Variants in TAT observed in about 807,000 individuals in gnomAD.
The protein encoded by TAT is tyrosine aminotransferase.
Under a neutral mutation model 53.6 loss-of-function variants are expected in TAT, and 35 were observed. That is an observed-to-expected ratio of 0.65 (90% CI 0.50 to 0.87). TAT has a LOEUF of 0.87. Ranked by LOEUF, TAT falls within the 40% of genes least tolerant of loss-of-function variation. TAT has a pLI of 0.00. For missense variants in TAT, 525 were observed against 571.8 expected, an observed-to-expected ratio of 0.92 and a Z score of 0.83; for synonymous variants, 197 against 206.5, an observed-to-expected ratio of 0.95 and a Z score of 0.39.
chr16:71,573,440 TCC>T (rs1374705633), intron 4 of TAT, 97 bp downstream of exon 4: 1 of 1,121,756 alleles, frequency 8.9e-7, no homozygotes, highest in Non-Finnish European at 1.3e-6. Context: ...TCTCAGCTTT[TCC>T]CCCTCTGACA....
chr16:71,572,468 T>A (rs1374728087), intron 5 of TAT, 62 bp downstream of exon 5: 2 of 1,610,808 alleles, frequency 1.2e-6, no homozygotes, highest in Non-Finnish European at 1.7e-6. Flanking sequence ...TGAAGTAATG[T>A]TCATATATTT....
At chr16:71,572,959 C>G (rs2044213446) in intron 4 of TAT, among the ~76,000 whole-genome samples, 1 of 152,186 alleles carries the variant, frequency 6.6e-6, no homozygotes, top group African/African-American at 2.4e-5. Flanking sequence ...ACCTTTTTCG[C>G]TTGGTTATTT....
intron 7 of TAT, 84 bp from the exon 8 acceptor site, chr16:71,570,915 C>T: frequency 3.3e-6 from 5 of 1,517,932 alleles, no homozygotes; most frequent in Non-Finnish European, 4.5e-6. Context: ...CCATTTCCTT[C>T]TATCACTAGG....
In TAT at chr16:71,573,613, G is replaced by C. The variant is rs1291363507; in HGVS notation, c.341-7C>G. The C allele has an allele frequency of 2.6e-6, 4 of 1,551,958 alleles. No homozygotes were observed. In the African/African-American group the frequency reaches 4.1e-5, roughly 16 times the overall value. On this transcript the variant is annotated splice_region_variant and splice_polypyrimidine_tract_variant and intron_variant, in intron 3 of 11. Coordinates refer to ENST00000355962, the MANE Select transcript of TAT (RefSeq NM_000353.3). ...TCCCGACTGGATAGGAAGCCTGAAAGAAAAGAGTGGAAAGTGGAGCTTTTT... is the reference window on the plus strand; with the variant it reads ...TCCCGACTGGATAGGAAGCCTGAAACAAAAGAGTGGAAAGTGGAGCTTTTT...
chr16:71,568,703 G>C lies in TAT; in HGVS notation c.1224+8C>G. On this transcript the variant is annotated splice_region_variant and intron_variant, in intron 11 of 11. Coordinates refer to ENST00000355962, the MANE Select transcript of TAT (RefSeq NM_000353.3). ...GTTGAGAATGTCCTGAGGGACACAG[G>C]CACCCACCGTTGCTGGGAGGCAGTG... The C allele has an allele frequency of 6.2e-7, 1 of 1,607,456 alleles. No homozygotes were observed. Among genetic ancestry groups the C allele is most frequent in the South Asian group, 1.1e-5 (1 of 90,654 alleles).
Position 71,568,233 on chromosome 16 carries a change from T to C in TAT, c.1276A>G (p.Met426Val). ...ATCCGGCTGCACGCCTCCAGCATCA[T>C]CACCTCGGGGACTGTGATGACCACT... ...IRVVITVPEV[M>V]MLEACSRIQE... Residue 426 changes from methionine (M) to valine (V), a missense_variant, in exon 12 of 12, where the codon ATG (methionine) becomes GTG (valine). By Grantham distance (21) the Met-to-Val change is conservative (BLOSUM62 1). Transcript: ENST00000355962. The C allele has an allele frequency of 6.2e-7, 1 of 1,614,192 alleles. No homozygotes were observed.
Position 71,573,594 on chromosome 16 carries a change from C to T in TAT, c.353G>A (p.Ser118Asn). 1 of 1,554,034 alleles carries T rather than the reference C, an allele frequency of 6.4e-7. No individual in the cohort carries two copies. The highest frequency in any genetic ancestry group is 8.7e-7 in the Non-Finnish European group (1 of 1,148,112). The change falls in exon 4 of 12, where the codon AGT becomes AAT. Residue 118 changes from serine (S) to asparagine (N), a missense_variant. By Grantham distance (46) the Ser-to-Asn change is conservative (BLOSUM62 1). Transcript: ENST00000355962. ...GYAPSIGFLS[S>N]REEIASYYHC... ...GTAATAAGAAGCAATCTCCTCCCGACTGGATAGGAAGCCTGAAAGAAAAGA... is the reference window on the plus strand; with the variant it reads ...GTAATAAGAAGCAATCTCCTCCCGATTGGATAGGAAGCCTGAAAGAAAAGA...
intron 4 of TAT, among the ~76,000 whole-genome samples, chr16:71,572,926 A>G (rs761962398): frequency 3.3e-5 from 5 of 152,252 alleles, no homozygotes; most frequent in Non-Finnish European, 5.9e-5. Flanking sequence ...GCAGACTTCC[A>G]TGAGAGAGCA....
rs1489707578 is a variant in TAT, at chr16:71,576,181, C to T, written c.235G>A (p.Gly79Arg). Reference sequence around the variant, plus strand: ...CCCCTCAGTAGTGTCCCCAACTCACCAATGGACAGGGAAATCATGGTTTTG... The same window carrying T: ...CCCCTCAGTAGTGTCCCCAACTCACTAATGGACAGGGAAATCATGGTTTTG... ...PNKTMISLSI[G>R]DPTVFGNLPT... Residue 79 changes from glycine to arginine, a missense_variant and splice_region_variant, in exon 2 of 12, where the codon GGG becomes AGG. Coordinates refer to ENST00000355962, the MANE Select transcript of TAT (RefSeq NM_000353.3). The T allele has an allele frequency of 3.1e-6, 5 of 1,613,774 alleles. No individual in the cohort carries two copies. Among genetic ancestry groups the T allele is most frequent in the Admixed American group, 1.7e-5 (1 of 59,946 alleles).
intron 3 of TAT, 42 bp from the exon 4 acceptor site, chr16:71,573,648 G>A (rs928171937): frequency 2.6e-6 from 4 of 1,523,504 alleles, no homozygotes; most frequent in Non-Finnish European, 3.6e-6. Context: ...TTGGTTTTTA[G>A]AGACTGTGTC....
intron 11 of TAT, 184 bp from the exon 12 acceptor site, chr16:71,568,468 G>T (rs530621721): frequency 1.5e-4 from 104 of 693,834 alleles, no homozygotes; most frequent in Admixed American, 4.8e-4. Context: ...TGACTTGTGG[G>T]ACAGGATCAA....
At chr16:71,574,287 A>T (rs1465642365) in intron 3 of TAT, among the ~76,000 whole-genome samples, 3 of 152,162 alleles carry the variant, frequency 2.0e-5, no homozygotes, top group Non-Finnish European at 4.4e-5. Flanking sequence ...GTATTTTTTA[A>T]GAAGTTGTAA....
chr16:71,567,911 G>C lies in TAT; in HGVS notation c.*233C>G. 1 of 555,690 alleles carries C rather than the reference G, an allele frequency of 1.8e-6. No individual in the cohort carries two copies. Among genetic ancestry groups the C allele is most frequent in the Non-Finnish European group, 3.2e-6 (1 of 310,262 alleles). 34.4% of individuals were successfully genotyped at this position (555,690 alleles called of 1,614,324 possible). On this transcript the variant is annotated 3_prime_UTR_variant, in exon 12 of 12. Coordinates refer to ENST00000355962, the MANE Select transcript of TAT (RefSeq NM_000353.3). The stretch of plus-strand genomic sequence containing the variant: ...TCTTACGAGAGGGAGGCAGATTAAT[G>C]AATTAGTGAGTCACTCTAGCAGCGC...
At chr16:71,576,101 C>A in intron 2 of TAT, 75 bp from the exon 3 acceptor site, 7 of 1,607,650 alleles carry the variant, frequency 4.4e-6, no homozygotes, top group Non-Finnish European at 6.0e-6. Flanking sequence ...TCACCCCCAA[C>A]TGCCATCTTC....
In TAT at chr16:71,568,721, A is replaced by G; in HGVS notation, c.1214T>C (p.Leu405Pro). The change falls in exon 11 of 12, where the codon CTC becomes CCC. Residue 405 changes from leucine (L) to proline (P), a missense_variant. Leu to Pro is a moderately conservative substitution (Grantham distance 98). Transcript: ENST00000355962. ...RLVAEQSVHC[L>P]PATCFEYPNF... ...GACACAGGCACCCACCGTTGCTGGG[A>G]GGCAGTGGACAGACTGCTCAGCAAC... 1 of 1,613,400 alleles carries G rather than the reference A, an allele frequency of 6.2e-7. No individual in the cohort carries two copies. The highest frequency in any genetic ancestry group is 8.5e-7 in the Non-Finnish European group (1 of 1,179,570).
chr16:71,570,909 T>C, intron 7 of TAT, 78 bp from the exon 8 acceptor site: 8 of 1,541,898 alleles, frequency 5.2e-6, no homozygotes, highest in Non-Finnish European at 6.2e-6. Flanking sequence ...TCCCACCCAT[T>C]TCCTTCTATC....
intron 9 of TAT, 140 bp downstream of exon 9, chr16:71,570,129 G>A (rs559703396): frequency 5.2e-5 from 75 of 1,430,656 alleles, no homozygotes; most frequent in Middle Eastern, 2.2e-4. Context: ...AGTGAGAAAC[G>A]TGTGTGTGGA....
Position 71,576,240 on chromosome 16 carries a change from A to G in TAT, c.176T>C (p.Ile59Thr), listed in dbSNP as rs752027210. 8 of 1,614,050 alleles carry G rather than the reference A, an allele frequency of 5.0e-6. No individual in the cohort carries two copies. The highest frequency in any genetic ancestry group is 2.2e-5 in the South Asian group (2 of 91,082). ...TGGTTTCACCTTCATGTTGTCCACA[A>G]TGGCTCGGATGGGGTTGAAAGTTTT... ...AKKTFNPIRAIVDNMKVKPNP... is the reference protein window; with the variant it reads ...AKKTFNPIRATVDNMKVKPNP... The change falls in exon 2 of 12, where the codon ATT becomes ACT. Residue 59 changes from isoleucine (I) to threonine (T), a missense_variant. Transcript: ENST00000355962.
At chr16:71,574,478 G>A (rs1462390793) in intron 3 of TAT, among the ~76,000 whole-genome samples, 1 of 151,672 alleles carries the variant, frequency 6.6e-6, no homozygotes, top group African/African-American at 2.4e-5. Flanking sequence ...CTACTCAGGA[G>A]GCTGAGACAG....
Sources: gnomAD v4.1 joint callset for allele counts (sites outside exome capture counted in the v4.1 genomes callset) on GRCh38, gnomAD v4.1.1 for gene constraint, MANE v1.5 for transcripts, NCBI Gene and HGNC (gene_info 2026-07-23, HGNC 2026-07-21) for gene names.